ACSBG2: variants seen among roughly 807,000 people sequenced by gnomAD.
The protein encoded by ACSBG2 is long-chain-fatty-acid--CoA ligase ACSBG2.
Under a neutral mutation model 74.7 loss-of-function variants are expected in ACSBG2, and 62 were observed. The ratio of observed to expected loss-of-function variants is 0.83; its 90% CI spans 0.68 to 1.03. The LOEUF (loss-of-function observed/expected upper bound fraction) is 1.03, where lower values mean the gene tolerates loss of function less well. ACSBG2 is among the 50% of genes least tolerant of loss of function. ACSBG2 has a pLI of 0.00. For synonymous variants in ACSBG2, 309 were observed against 294.1 expected (o/e 1.05, Z -0.52); for missense variants, 730 against 817.6 (o/e 0.89, Z 1.31).
At chr19:6,158,970 C>G (rs1341401433) in intron 5 of ACSBG2, among the ~76,000 whole-genome samples, 1 of 150,122 alleles carries the variant, frequency 6.7e-6, no homozygotes, top group Non-Finnish European at 1.5e-5. Flanking sequence ...TTGTTTTTTT[C>G]TTTTTTTGAG....
chr19:6,151,478 T>C (rs1211954763), intron 3 of ACSBG2, among the ~76,000 whole-genome samples: 1 of 152,050 alleles, frequency 6.6e-6, no homozygotes, highest in Non-Finnish European at 1.5e-5. Context: ...CGGCGAACTT[T>C]TCCACTTTTT....
Position 6,185,590 on chromosome 19 carries a change from C to T in ACSBG2, c.1477C>T (p.His493Tyr). The T allele has an allele frequency of 6.2e-7, 1 of 1,614,210 alleles. No individual in the cohort carries two copies. Among genetic ancestry groups the T allele is most frequent in the African/African-American group, 1.3e-5 (1 of 75,058 alleles). ...TEAIDDEGWLHSGDLGQLDGL... is the reference protein window; with the variant it reads ...TEAIDDEGWLYSGDLGQLDGL... ...GGCCATCGATGATGAAGGCTGGCTA[C>T]ACTCTGGGGATCTGGGCCAGCTGGA... Residue 493 changes from histidine (H) to tyrosine (Y), a missense_variant, in exon 11 of 15, where the codon CAC (histidine) becomes TAC (tyrosine). By Grantham distance (83) the His-to-Tyr change is moderately conservative. Transcript: ENST00000588485.
At chr19:6,170,605 A>C (rs2089939942) in intron 7 of ACSBG2, among the ~76,000 whole-genome samples, 1 of 152,060 alleles carries the variant, frequency 6.6e-6, no homozygotes, top group South Asian at 2.1e-4. Context: ...GTCTGAGAAG[A>C]TGCTTGGTAT....
In ACSBG2 at chr19:6,176,212, C is replaced by G. The variant is rs913876616; in HGVS notation, c.739-1017C>G. Reference sequence around the variant, plus strand: ...AAAAATCTGTCGAATGATTAACAACCATCTACTCACCTGGGCTACCCAAGA... The same window carrying G: ...AAAAATCTGTCGAATGATTAACAACGATCTACTCACCTGGGCTACCCAAGA... On this transcript the variant is annotated intron_variant, in intron 7 of 14. Coordinates refer to ENST00000588485, the MANE Select transcript of ACSBG2 (RefSeq NM_030924.5). 3.8e-5 allele frequency: 39 copies of G among 1,034,254 alleles called. No individual in the cohort carries two copies. The African/African-American group carries it at 6.3e-4, about 17-fold the overall frequency. The allele number at this position is 1,034,254 out of a possible 1,614,324, so 64.1% of individuals were successfully genotyped here.
intron 8 of ACSBG2, among the ~76,000 whole-genome samples, chr19:6,177,881 T>TGTGTGG (rs1294079083): frequency 4.3e-5 from 2 of 46,254 alleles, no homozygotes; most frequent in African/African-American, 1.2e-4. Context: ...AAAGAGTGTG[T>TGTGTGG]GTGTGTGTGT....
intron 10 of ACSBG2, among the ~76,000 whole-genome samples, chr19:6,184,071 C>A (rs2090333199): frequency 6.6e-6 from 1 of 152,204 alleles, no homozygotes; most frequent in South Asian, 2.1e-4. Flanking sequence ...GCTGGGATTA[C>A]AGGCATGAAC....
chr19:6,190,524 A>G, intron 13 of ACSBG2, 60 bp from the exon 14 acceptor site: 1 of 1,431,818 alleles, frequency 7.0e-7, no homozygotes, highest in Non-Finnish European at 9.9e-7. Context: ...CTGGTCATGC[A>G]TGGGTGTGTG....
rs60836698 is a variant in ACSBG2, at chr19:6,174,209, C to T, written c.739-3020C>T. 0.1 allele frequency among the ~76,000 whole-genome samples: 15,906 copies of T among 152,128 alleles called. 1,664 individuals carry two copies. Among genetic ancestry groups the T allele is most frequent in the African/African-American group, 0.27 (11,219 of 41,454 alleles). ...GCCTTGGCCTCCCAAAGTGCTGGGA[C>T]TACAAACATGAGCCACCACGCTTGG... On this transcript the variant is annotated intron_variant, in intron 7 of 14. Coordinates refer to ENST00000588485, the MANE Select transcript of ACSBG2 (RefSeq NM_030924.5). This position sits in a 1 kb window ranked among gnomAD's most constrained non-coding sequence, Gnocchi z 4.2.
chr19:6,187,611 C>G lies in ACSBG2; in HGVS notation c.1693C>G (p.Gln565Glu). ...TGTCTGGGGGCAGTGTGAGATGAAT[C>G]AGATGAGCGGAGAACCTCTGGACAA... ...MLLTLKCEMNQMSGEPLDKLN... is the reference protein window; with the variant it reads ...MLLTLKCEMNEMSGEPLDKLN... The change falls in exon 13 of 15, where the codon CAG becomes GAG. Residue 565 changes from glutamine (Q) to glutamate (E), a missense_variant. Gln to Glu is a conservative substitution (Grantham distance 29). Transcript: ENST00000588485. 3 of 1,613,998 alleles carry G rather than the reference C, an allele frequency of 1.9e-6. No homozygotes were observed. The highest frequency in any genetic ancestry group is 1.7e-6 in the Non-Finnish European group (2 of 1,180,000).
rs748580019 is a variant in ACSBG2 at position 6,187,408 on chromosome 19, T to C, written c.1666T>C (p.Leu556=). Residue 556 remains leucine, a synonymous_variant, in exon 12 of 15, where the codon TTG becomes CTG. Coordinates refer to ENST00000588485, the MANE Select transcript of ACSBG2 (RefSeq NM_030924.5). ...AGATAAACTGAAGTTTCTGAGCATG[T>C]TGCTGACGCTGAAGGTAACATGGGT... ...VGDKLKFLSM[L]LTLKCEMNQM... The C allele has an allele frequency of 6.2e-6, 10 of 1,614,198 alleles. No homozygotes were observed. The highest frequency in any genetic ancestry group is 2.2e-5 in the East Asian group (1 of 44,888).
At chr19:6,138,879 G>A (rs906808405) in intron 1 of ACSBG2, among the ~76,000 whole-genome samples, 1 of 152,046 alleles carries the variant, frequency 6.6e-6, no homozygotes, top group African/African-American at 2.4e-5. Flanking sequence ...TTGAGGTTCT[G>A]GGCCAGATCC....
rs960434033 is a variant in ACSBG2 at position 6,180,892 on chromosome 19, A to G, written c.907-1859A>G. On this transcript the variant is annotated intron_variant, in intron 8 of 14. Coordinates refer to ENST00000588485, the MANE Select transcript of ACSBG2 (RefSeq NM_030924.5). This position sits in a 1 kb window ranked among gnomAD's most constrained non-coding sequence, Gnocchi z 4.3. ...ATGTGGTTGCTCTTTCTGTGCTAGC[A>G]TGACTAGTAAAAAGAAAAGTAAAAG... Among the ~76,000 whole-genome samples, 1 of 152,076 alleles carries G rather than the reference A, an allele frequency of 6.6e-6. No homozygotes were observed. The highest frequency in any genetic ancestry group is 2.4e-5 in the African/African-American group (1 of 41,422).
intron 8 of ACSBG2, 30 bp from the exon 9 acceptor site, chr19:6,182,721 C>A: frequency 6.2e-7 from 1 of 1,605,738 alleles, no homozygotes. Context: ...GAAGGCCCTG[C>A]TGTGGCTAAC....
At chr19:6,139,612 G>C (rs8113831) in intron 1 of ACSBG2, among the ~76,000 whole-genome samples, 88,724 of 151,570 alleles carry the variant, frequency 0.59, 26,826 homozygotes, top group Admixed American at 0.68. Flanking sequence ...CTTGATTCTT[G>C]TGTCAAGCAC....
chr19:6,151,407 A>G (rs926406347), intron 3 of ACSBG2, among the ~76,000 whole-genome samples: 2 of 152,102 alleles, frequency 1.3e-5, no homozygotes, highest in African/African-American at 4.8e-5. Flanking sequence ...TCTAGGGCTC[A>G]AGTGATCCTC....
rs1369690957 is a variant in ACSBG2 at position 6,180,054 on chromosome 19, T to C, written c.906+2658T>C. Among the ~76,000 whole-genome samples the C allele has an allele frequency of 6.6e-6, 1 of 152,086 alleles. No individual in the cohort carries two copies. Among genetic ancestry groups the C allele is most frequent in the Non-Finnish European group, 1.5e-5 (1 of 68,018 alleles). The stretch of plus-strand genomic sequence containing the variant: ...TTCTAGAGGCCACCTATGTTCCTTA[T>C]CTCAGGGCCCCTTCCTCCATCTTCA... On this transcript the variant is annotated intron_variant, in intron 8 of 14. Coordinates refer to ENST00000588485, the MANE Select transcript of ACSBG2 (RefSeq NM_030924.5). The surrounding 1 kb of genome is among the most constrained non-coding windows in gnomAD (Gnocchi z 4.3).
rs200007204 is a variant in ACSBG2, at chr19:6,137,877, CT to C, written c.-32+1969del. ...GAACCATGGCCAGGCTGGTCTCGAA[CT>C]CCTGACCTCAGGTGATCCACCCGCC... is the stretch of plus-strand genomic sequence containing the variant. On this transcript the variant is annotated intron_variant, in intron 1 of 14. Transcript: ENST00000588485. Among the ~76,000 whole-genome samples the C allele has an allele frequency of 4.6e-3, 704 of 152,286 alleles. 7 individuals are homozygous for C. Among genetic ancestry groups the C allele is most frequent in the African/African-American group, 0.016 (676 of 41,552 alleles).
At chr19:6,172,086 T>C (rs191439451) in intron 7 of ACSBG2, among the ~76,000 whole-genome samples, 1 of 152,272 alleles carries the variant, frequency 6.6e-6, no homozygotes, top group African/African-American at 2.4e-5. Context: ...ATTTCATATA[T>C]TGAAGTGTTC....
rs201792619 is a variant in ACSBG2, at chr19:6,169,758, A to G, written c.738+3743A>G. Among the ~76,000 whole-genome samples, 4 of 152,256 alleles carry G rather than the reference A, an allele frequency of 2.6e-5. No homozygotes were observed. In the South Asian group the frequency reaches 8.3e-4, roughly 32 times the overall value. ...TGTGTCATCTGTGATTTCTTTCATC[A>G]ATGTTTTGAAAAGTTATTCTCGTAG... On this transcript the variant is annotated intron_variant, in intron 7 of 14. Coordinates refer to ENST00000588485, the MANE Select transcript of ACSBG2 (RefSeq NM_030924.5).
Sources: allele counts gnomAD v4.1 joint callset (sites outside exome capture counted in the v4.1 genomes callset), GRCh38; gene constraint gnomAD v4.1.1; non-coding constraint Gnocchi (gnomAD v3.1); transcripts MANE v1.5; gene names NCBI Gene and HGNC (gene_info 2026-07-23, HGNC 2026-07-21).